Variants in HYCC2 observed in about 807,000 individuals in gnomAD.
The protein encoded by HYCC2 is hyccin 2.
At chr2:201,015,964 T>C in the HYCC2 span, among the ~76,000 whole-genome samples, 3 of 152,210 alleles carry the variant, frequency 2.0e-5, no homozygotes, top group African/African-American at 7.2e-5. Context: ...TGAGTTTCTC[T>C]CTAAAATCCT....
the HYCC2 span, among the ~76,000 whole-genome samples, chr2:201,061,673 T>C: frequency 6.6e-6 from 1 of 151,878 alleles, no homozygotes; most frequent in South Asian, 2.1e-4. Context: ...TTTAAATTTT[T>C]AAATTTAAAA....
chr2:201,012,696 G>A, the HYCC2 span, among the ~76,000 whole-genome samples: 1 of 151,978 alleles, frequency 6.6e-6, no homozygotes, highest in African/African-American at 2.4e-5. Context: ...TGTAATCCTA[G>A]CACTTTGGGA....
chr2:201,042,109 G>A, the HYCC2 span, among the ~76,000 whole-genome samples: 48 of 152,186 alleles, frequency 3.2e-4, no homozygotes, highest in Non-Finnish European at 6.3e-4. Context: ...GGCACATGCC[G>A]CCACACCTGA....
the HYCC2 span, among the ~76,000 whole-genome samples, chr2:201,057,226 G>T: frequency 1.3e-5 from 2 of 152,212 alleles, no homozygotes; most frequent in African/African-American, 4.8e-5. Context: ...GGAAGTGATA[G>T]TGTGTCAGAT....
At chr2:200,999,274 A>C in the HYCC2 span, among the ~76,000 whole-genome samples, 1 of 152,166 alleles carries the variant, frequency 6.6e-6, no homozygotes, top group South Asian at 2.1e-4. Context: ...TTGGTGCAAA[A>C]CTTTAAAAAA....
chr2:200,987,207 A>G, the HYCC2 span, among the ~76,000 whole-genome samples: 1 of 152,210 alleles, frequency 6.6e-6, no homozygotes, highest in African/African-American at 2.4e-5. Context: ...GGTGCTATGT[A>G]TATGAGGAGG....
At chr2:201,035,940 G>A in the HYCC2 span, among the ~76,000 whole-genome samples, 3 of 152,108 alleles carry the variant, frequency 2.0e-5, no homozygotes, top group Admixed American at 2.0e-4. Flanking sequence ...AGCAAATGTT[G>A]CTGCCTGATC....
chr2:201,048,961 C>A, the HYCC2 span, among the ~76,000 whole-genome samples: 1 of 151,348 alleles, frequency 6.6e-6, no homozygotes, highest in Non-Finnish European at 1.5e-5. Flanking sequence ...AACAAACAAA[C>A]AAACAAACAA....
the HYCC2 span, among the ~76,000 whole-genome samples, chr2:201,034,819 C>T: frequency 1.3e-5 from 2 of 152,186 alleles, no homozygotes; most frequent in African/African-American, 4.8e-5. Context: ...CAAAATCTCT[C>T]AGCATTCGCT....
chr2:201,027,029 G>A, the HYCC2 span, among the ~76,000 whole-genome samples: 1 of 152,068 alleles, frequency 6.6e-6, no homozygotes, highest in Non-Finnish European at 1.5e-5. Flanking sequence ...CCAGGAGCTG[G>A]TTTTTTGAAA....
chr2:201,034,500 C>G, the HYCC2 span, among the ~76,000 whole-genome samples: 2 of 152,130 alleles, frequency 1.3e-5, no homozygotes, highest in Non-Finnish European at 2.9e-5. Context: ...CTATGTGTGT[C>G]TCTGCACATG....
At chr2:201,060,632 T>C in the HYCC2 span, among the ~76,000 whole-genome samples, 4 of 152,130 alleles carry the variant, frequency 2.6e-5, no homozygotes, top group Non-Finnish European at 5.9e-5. Context: ...AGGCCCTAGA[T>C]CTCCTACGTC....
At chr2:201,016,943 G>A in the HYCC2 span, 1,170 of 1,534,340 alleles carry the variant, frequency 7.6e-4, no homozygotes, top group Non-Finnish European at 9.4e-4. Context: ...TATTTCAGAG[G>A]ACCTTAAAAA....
the HYCC2 span, among the ~76,000 whole-genome samples, chr2:200,988,958 C>G: frequency 6.6e-6 from 1 of 152,212 alleles, no homozygotes. Context: ...TGCTCCTTCC[C>G]TCTCCACTTG....
the HYCC2 span, among the ~76,000 whole-genome samples, chr2:201,053,464 G>A: frequency 5.9e-5 from 9 of 152,306 alleles, no homozygotes; most frequent in South Asian, 2.1e-4. Flanking sequence ...CCCACGTAAT[G>A]CAAAGGTTTG....
the HYCC2 span, among the ~76,000 whole-genome samples, chr2:201,004,738 G>A: frequency 6.6e-6 from 1 of 152,138 alleles, no homozygotes; most frequent in Non-Finnish European, 1.5e-5. Context: ...TCCAATGGCC[G>A]GGTGCAGTGG....
the HYCC2 span, among the ~76,000 whole-genome samples, chr2:200,997,808 T>C: frequency 6.6e-6 from 1 of 152,054 alleles, no homozygotes; most frequent in African/African-American, 2.4e-5. Context: ...GAGGCCGAAG[T>C]GGGTGGATCA....
At chr2:200,981,850 C>T in the HYCC2 span, 3 of 1,610,872 alleles carry the variant, frequency 1.9e-6, no homozygotes, top group Non-Finnish European at 1.7e-6. The surrounding 1 kb of genome is among the most constrained non-coding windows in gnomAD (Gnocchi z 4.5). Flanking sequence ...AGACTCCTCT[C>T]CTCCATTTAC....
At chr2:201,056,152 C>T in the HYCC2 span, among the ~76,000 whole-genome samples, 2 of 151,730 alleles carry the variant, frequency 1.3e-5, no homozygotes, top group Admixed American at 1.3e-4. Flanking sequence ...CGAGATGGCG[C>T]CACTGCACTC....
Sources: allele counts gnomAD v4.1 joint callset (sites outside exome capture counted in the v4.1 genomes callset), GRCh38; gene constraint gnomAD v4.1.1; non-coding constraint Gnocchi (gnomAD v3.1); transcripts MANE v1.5; gene names NCBI Gene and HGNC (gene_info 2026-07-23, HGNC 2026-07-21).